The following MAML3 variants were observed in gnomAD, a reference collection of about 807,000 sequenced individuals.
MAML3 encodes the protein mastermind-like protein 3.
In MAML3, 27 loss-of-function variants were observed where a neutral mutation model predicts 101.9. That is an observed-to-expected ratio of 0.27 (90% CI 0.20 to 0.37). The LOEUF (loss-of-function observed/expected upper bound fraction) is 0.37. MAML3 is among the 10% of genes least tolerant of loss of function. The pLI, the probability that MAML3 is intolerant of heterozygous loss-of-function variation, is 1.00. For synonymous variants in MAML3, 501 were observed against 555.9 expected, an observed-to-expected ratio of 0.90 and a Z score of 1.39; for missense variants, 1,316 against 1,444.9, an observed-to-expected ratio of 0.91 and a Z score of 1.45.
intron 2 of MAML3, among the ~76,000 whole-genome samples, chr4:139,837,122 C>CAAAAA (rs34871581): frequency 4.7e-5 from 4 of 84,340 alleles, no homozygotes; most frequent in African/African-American, 1.1e-4. Flanking sequence ...AACTCTGTCT[C>CAAAAA]AAAAAAAAAA....
chr4:140,007,072 G>T (rs1334948317), intron 1 of MAML3, among the ~76,000 whole-genome samples: 1 of 152,154 alleles, frequency 6.6e-6, no homozygotes, highest in Non-Finnish European at 1.5e-5. Flanking sequence ...CTATAACATA[G>T]GATGTTGCCG....
rs143479545 is a variant in MAML3 at position 139,899,054 on chromosome 4, C to A, written c.469-8087G>T. ...TCTAATTAAGTAGCCCAGATTGGGA[C>A]ACAAGGTGGGGGCACAGGTATCTAA... On this transcript the variant is annotated intron_variant, in intron 1 of 4. Coordinates refer to ENST00000509479, the MANE Select transcript of MAML3 (RefSeq NM_018717.5). 9.1e-4 allele frequency among the ~76,000 whole-genome samples: 138 copies of A among 152,322 alleles called. 2 individuals are homozygous for A. The East Asian group carries it at 0.023, about 26-fold the overall frequency.
At chr4:140,063,665 G>A (rs887448098) in intron 1 of MAML3, among the ~76,000 whole-genome samples, 4 of 151,980 alleles carry the variant, frequency 2.6e-5, no homozygotes, top group Non-Finnish European at 5.9e-5. Flanking sequence ...CTTCTTATTT[G>A]CAGACATCAT....
intron 1 of MAML3, among the ~76,000 whole-genome samples, chr4:139,897,728 C>T (rs1732640120): frequency 6.6e-6 from 1 of 152,134 alleles, no homozygotes; most frequent in Admixed American, 6.5e-5. Flanking sequence ...CTGATCATGC[C>T]CGTTCTTCAC....
At chr4:139,949,729 T>C (rs959300512) in intron 1 of MAML3, among the ~76,000 whole-genome samples, 1 of 152,248 alleles carries the variant, frequency 6.6e-6, no homozygotes, top group African/African-American at 2.4e-5. Flanking sequence ...TTCATGCCTT[T>C]ACTTTCCTTG....
chr4:140,140,425 T>C (rs890520153), intron 1 of MAML3, among the ~76,000 whole-genome samples: 2 of 152,216 alleles, frequency 1.3e-5, no homozygotes, highest in African/African-American at 4.8e-5. Flanking sequence ...TTTAATTTTA[T>C]GTATACAACC....
chr4:139,851,761 T>C lies in MAML3; in HGVS notation c.2079+37596A>G, dbSNP rs144776195. 5.3e-3 allele frequency among the ~76,000 whole-genome samples: 800 copies of C among 152,330 alleles called. 12 individuals carry two copies. The highest frequency in any genetic ancestry group is 0.018 in the African/African-American group (751 of 41,564). ...CTATGCTTGCAGACTGTAATCATCT[T>C]GGCGCATAGGTATATGTGCTCATAT... is the stretch of plus-strand genomic sequence containing the variant. On this transcript the variant is annotated intron_variant, in intron 2 of 4. Coordinates refer to ENST00000509479, the MANE Select transcript of MAML3 (RefSeq NM_018717.5).
At chr4:139,776,628 C>G (rs376625975) in intron 2 of MAML3, among the ~76,000 whole-genome samples, 1 of 152,264 alleles carries the variant, frequency 6.6e-6, no homozygotes, top group South Asian at 2.1e-4. Flanking sequence ...TGGAAACACA[C>G]TCAAAGCAGA....
At chr4:140,129,392 C>T (rs1008153650) in intron 1 of MAML3, among the ~76,000 whole-genome samples, 1 of 152,174 alleles carries the variant, frequency 6.6e-6, no homozygotes, top group Non-Finnish European at 1.5e-5. Context: ...CCCCCTACCC[C>T]CAATTCTTAT....
chr4:139,741,078 C>G (rs565568587), intron 2 of MAML3, among the ~76,000 whole-genome samples: 1 of 152,196 alleles, frequency 6.6e-6, no homozygotes, highest in Non-Finnish European at 1.5e-5. Context: ...TTTCCCCACC[C>G]TCGGCCCCCA....
intron 1 of MAML3, among the ~76,000 whole-genome samples, chr4:140,150,353 G>C (rs1229263359): frequency 1.3e-5 from 2 of 152,156 alleles, no homozygotes; most frequent in Non-Finnish European, 2.9e-5. Context: ...CCACCTGCGA[G>C]TGTATCACAA....
At chr4:140,068,771 A>G (rs1243708765) in intron 1 of MAML3, among the ~76,000 whole-genome samples, 7 of 152,210 alleles carry the variant, frequency 4.6e-5, no homozygotes, top group Non-Finnish European at 1.0e-4. Flanking sequence ...ACATAGTGGC[A>G]CTCAATAAAT....
At chr4:140,016,714 G>C (rs954959227) in intron 1 of MAML3, among the ~76,000 whole-genome samples, 3 of 152,180 alleles carry the variant, frequency 2.0e-5, no homozygotes, top group Non-Finnish European at 4.4e-5. Flanking sequence ...CAAATGGCCA[G>C]AGCAACTAAA....
At chr4:139,849,219 G>C (rs912174387) in intron 2 of MAML3, among the ~76,000 whole-genome samples, 6 of 152,194 alleles carry the variant, frequency 3.9e-5, no homozygotes, top group African/African-American at 1.4e-4. Context: ...GTATTATAGA[G>C]AGCAAAACCA....
At chr4:139,941,227 T>C (rs988904408) in intron 1 of MAML3, among the ~76,000 whole-genome samples, 4 of 152,258 alleles carry the variant, frequency 2.6e-5, no homozygotes, top group Non-Finnish European at 5.9e-5. Flanking sequence ...ATTATGTTTT[T>C]ACTATCTTTG....
Position 139,890,842 on chromosome 4 carries a change from C to T in MAML3, c.594G>A (p.Ala198=), listed in dbSNP as rs530563778. 1.2e-5 allele frequency: 20 copies of T among 1,613,972 alleles called. No individual in the cohort carries two copies. The highest frequency in any genetic ancestry group is 1.1e-4 in the East Asian group (5 of 44,890). ...GCAAATTGTTGATGGCTTCCATCCC[C>T]GCAGAAATGTCCTTTCGAATTCGTT... ...TSKRIRKDIS[A]GMEAINNLPS... Residue 198 remains alanine (A), a synonymous_variant, in exon 2 of 5, where the codon GCG becomes GCA. Transcript: ENST00000509479. The surrounding 1 kb of genome is among the most constrained non-coding windows in gnomAD (Gnocchi z 4.1).
chr4:139,969,897 T>C (rs1734204385), intron 1 of MAML3, among the ~76,000 whole-genome samples: 2 of 152,240 alleles, frequency 1.3e-5, no homozygotes, highest in South Asian at 4.1e-4. Context: ...TAGACACATG[T>C]TAAGTAACAT....
chr4:140,073,448 T>G (rs184542044), intron 1 of MAML3, among the ~76,000 whole-genome samples: 48 of 152,202 alleles, frequency 3.2e-4, no homozygotes, highest in Admixed American at 2.2e-3. Context: ...CTTCACTTTT[T>G]CAACAAAATT....
chr4:139,948,785 T>C (rs1330952699), intron 1 of MAML3, among the ~76,000 whole-genome samples: 1 of 152,190 alleles, frequency 6.6e-6, no homozygotes, highest in Non-Finnish European at 1.5e-5. Context: ...TGGACACGTA[T>C]ATTAATACAA....
Sources: allele counts gnomAD v4.1 joint callset (sites outside exome capture counted in the v4.1 genomes callset), GRCh38; gene constraint gnomAD v4.1.1; non-coding constraint Gnocchi (gnomAD v3.1); transcripts MANE v1.5; gene names NCBI Gene and HGNC (gene_info 2026-07-23, HGNC 2026-07-21).